DPF3: variants seen among roughly 807,000 people sequenced by gnomAD.
The protein encoded by DPF3 is double PHD fingers 3.
DPF3 carries 18 observed loss-of-function variants against 56.8 expected under a neutral mutation model. The ratio of observed to expected loss-of-function variants is 0.32; its 90% CI spans 0.22 to 0.47. The LOEUF (loss-of-function observed/expected upper bound fraction) is 0.47. Ranked by LOEUF, DPF3 falls within the 20% of genes least tolerant of loss-of-function variation. The pLI, the probability that DPF3 is intolerant of heterozygous loss-of-function variation, is 1.00. For missense variants in DPF3, 403 were observed against 488.8 expected, an observed-to-expected ratio of 0.82 and a Z score of 1.65; for synonymous variants, 188 against 180.2, an observed-to-expected ratio of 1.04 and a Z score of -0.35.
chr14:72,690,278 C>T (rs888127025), intron 7 of DPF3, among the ~76,000 whole-genome samples: 3 of 151,842 alleles, frequency 2.0e-5, no homozygotes, highest in Non-Finnish European at 4.4e-5. Flanking sequence ...CACCCGCCCA[C>T]GAGGGCTCGT....
At chr14:72,624,333 CTTTT>C (rs55820708) in intron 9 of DPF3, among the ~76,000 whole-genome samples, 5 of 97,796 alleles carry the variant, frequency 5.1e-5, no homozygotes, top group Admixed American at 1.3e-4. Context: ...ACCTATGTCT[CTTTT>C]TTTTTTTTTT....
intron 1 of DPF3, among the ~76,000 whole-genome samples, chr14:72,870,796 T>C (rs1399369764): frequency 6.6e-6 from 1 of 152,152 alleles, no homozygotes; most frequent in African/African-American, 2.4e-5. Flanking sequence ...GTAACGAGGC[T>C]GGGCACAGTG....
chr14:72,660,963 GA>G (rs1886189176), intron 8 of DPF3: 1 of 664,816 alleles, frequency 1.5e-6, no homozygotes, highest in Admixed American at 6.3e-5. Flanking sequence ...ATCATCTCAG[GA>G]GTCCCTGCCG....
intron 6 of DPF3, among the ~76,000 whole-genome samples, chr14:72,704,059 C>A (rs1888302024): frequency 6.6e-6 from 1 of 152,188 alleles, no homozygotes; most frequent in East Asian, 1.9e-4. Flanking sequence ...ACCTAACAGA[C>A]CAGAAAACAA....
At chr14:72,764,919 C>T (rs906478228) in intron 2 of DPF3, among the ~76,000 whole-genome samples, 5 of 152,182 alleles carry the variant, frequency 3.3e-5, no homozygotes, top group Admixed American at 3.3e-4. Flanking sequence ...TGAGGCAGTG[C>T]TGTGGGCTGA....
chr14:72,756,908 A>AAG (rs1890847083), intron 2 of DPF3, among the ~76,000 whole-genome samples: 1 of 136,962 alleles, frequency 7.3e-6, no homozygotes, highest in Admixed American at 6.9e-5. Flanking sequence ...AAAAGAAAAA[A>AAG]AGAAAGAAAG....
chr14:72,701,232 C>T (rs1013343723), intron 6 of DPF3, among the ~76,000 whole-genome samples: 4 of 152,214 alleles, frequency 2.6e-5, no homozygotes, highest in Non-Finnish European at 5.9e-5. Flanking sequence ...TCAGCCCTGC[C>T]TGTGCACGAC....
chr14:72,812,275 C>T (rs905490787), intron 1 of DPF3, among the ~76,000 whole-genome samples: 1 of 152,164 alleles, frequency 6.6e-6, no homozygotes, highest in Non-Finnish European at 1.5e-5. Context: ...ACAGGCAGGG[C>T]AGGTTCCTGG....
intron 6 of DPF3, among the ~76,000 whole-genome samples, chr14:72,694,283 C>T (rs540606491): frequency 1.7e-4 from 25 of 151,414 alleles, no homozygotes; most frequent in African/African-American, 5.8e-4. Context: ...TATGCTTGTC[C>T]CCCAGCCTGG....
chr14:72,700,455 G>A (rs1371422888), intron 6 of DPF3, among the ~76,000 whole-genome samples: 4 of 152,196 alleles, frequency 2.6e-5, no homozygotes, highest in African/African-American at 4.8e-5. Flanking sequence ...CTGAGACTAA[G>A]TTACTCCAAA....
chr14:72,639,055 G>A (rs1047418412), intron 8 of DPF3, among the ~76,000 whole-genome samples: 8 of 152,140 alleles, frequency 5.3e-5, no homozygotes, highest in Admixed American at 4.6e-4. Context: ...CTAACCTTGC[G>A]ATCTGCCTGC....
chr14:72,806,748 C>T (rs1393776039), intron 1 of DPF3: 1 of 152,206 alleles, frequency 6.6e-6, no homozygotes, highest in African/African-American at 2.4e-5. Context: ...TCCCTGCCCA[C>T]TCTCCCTTCG....
chr14:72,769,511 C>G (rs1321999040), intron 2 of DPF3, among the ~76,000 whole-genome samples: 1 of 152,074 alleles, frequency 6.6e-6, no homozygotes, highest in Non-Finnish European at 1.5e-5. Flanking sequence ...GAAACCCCAT[C>G]TCTGCTAAAA....
chr14:72,768,339 G>A (rs142395598), intron 2 of DPF3, among the ~76,000 whole-genome samples: 118 of 152,306 alleles, frequency 7.7e-4, no homozygotes, highest in African/African-American at 2.8e-3. Flanking sequence ...TAAAGGAAAT[G>A]CTTAAGACAA....
intron 5 of DPF3, among the ~76,000 whole-genome samples, chr14:72,718,756 C>T (rs887641897): frequency 1.5e-5 from 2 of 129,304 alleles, no homozygotes; most frequent in African/African-American, 6.0e-5. Flanking sequence ...AGAACCACTG[C>T]TCTACACCCT....
chr14:72,879,785 C>T (rs1420550416), intron 1 of DPF3: 1 of 1,529,172 alleles, frequency 6.5e-7, no homozygotes, highest in South Asian at 1.2e-5. Flanking sequence ...ACACACGTCT[C>T]TCACACTGAG....
intron 2 of DPF3, among the ~76,000 whole-genome samples, chr14:72,768,933 CTGTGTGTGTGTGTGTGTG>C (rs10543093): frequency 3.6e-4 from 53 of 146,396 alleles, no homozygotes; most frequent in Non-Finnish European, 5.9e-4. Flanking sequence ...GTGTGAGTGT[CTGTGTGTGTGTGTGTGTG>C]TGTGTGTGTG....
chr14:72,650,165 G>GTACACTGC lies in DPF3; in HGVS notation c.872-20430_872-20429insGCAGTGTA, dbSNP rs1348291681. The stretch of plus-strand genomic sequence containing the variant: ...GGGAAAAATGAGGACCCAGAGGATG[G>GTACACTGC]CCTGGGGATGAGGGGGGACTGCTCA... On this transcript the variant is annotated intron_variant, in intron 8 of 10. Coordinates refer to ENST00000556509, the MANE Select transcript of DPF3 (RefSeq NM_001280542.3). Among the ~76,000 whole-genome samples, 52 of 152,308 alleles carry GTACACTGC rather than the reference G, an allele frequency of 3.4e-4. 1 individual carries two copies. In the East Asian group the frequency reaches 9.9e-3, roughly 29 times the overall value.
chr14:72,782,459 A>G (rs1025805959), intron 1 of DPF3, among the ~76,000 whole-genome samples: 3 of 152,168 alleles, frequency 2.0e-5, no homozygotes, highest in African/African-American at 7.2e-5. Context: ...TCCGGGGCTC[A>G]AGCAGTCAGC....
Sources: gnomAD v4.1 joint callset for allele counts (sites outside exome capture counted in the v4.1 genomes callset) on GRCh38, gnomAD v4.1.1 for gene constraint, MANE v1.5 for transcripts, NCBI Gene and HGNC (gene_info 2026-07-23, HGNC 2026-07-21) for gene names.